Variants in RTEL1 observed in about 807,000 individuals in gnomAD.
The protein encoded by RTEL1 is regulator of telomere elongation helicase 1.
RTEL1 carries 86 observed loss-of-function variants against 162.2 expected under a neutral mutation model. That is an observed-to-expected ratio of 0.53 (90% CI 0.45 to 0.63). The LOEUF is 0.63. RTEL1 is among the 30% of genes least tolerant of loss of function. The pLI is 0.00. For missense variants in RTEL1, 1,941 were observed against 1,750.2 expected, an observed-to-expected ratio of 1.11 and a Z score of -1.95; for synonymous variants, 958 against 717.9, an observed-to-expected ratio of 1.33 and a Z score of -5.35.
chr20:63,686,187 T>A, intron 16 of RTEL1: 3 of 452,238 alleles, frequency 6.6e-6, no homozygotes, highest in African/African-American at 4.0e-5. Flanking sequence ...GCACAGAGCC[T>A]CCACAGTGAG....
In RTEL1 at chr20:63,694,448, C is replaced by A; in HGVS notation, c.3069C>A (p.Asn1023Lys). 4.3e-6 allele frequency: 7 copies of A among 1,609,296 alleles called. No homozygotes were observed. The highest frequency in any genetic ancestry group is 5.9e-6 in the Non-Finnish European group (7 of 1,177,138). Reference sequence around the variant, plus strand: ...AGCTGGACCCCCAAGAGCACCTGAACCAGGGCAGGCCCCACCTGTCGCCCA... The same window carrying A: ...AGCTGGACCCCCAAGAGCACCTGAAACAGGGCAGGCCCCACCTGTCGCCCA... The part of the protein sequence containing the change: ...AQQLDPQEHL[N>K]QGRPHLSPRP... Residue 1023 changes from asparagine (N) to lysine (K), a missense_variant, in exon 31 of 35, where the codon AAC becomes AAA. Transcript: ENST00000360203.
chr20:63,686,081 C>T (rs1442396907), intron 16 of RTEL1: 7 of 604,796 alleles, frequency 1.2e-5, no homozygotes, highest in Admixed American at 1.1e-4. Flanking sequence ...CCTGATGGCA[C>T]CGTGACCTGC....
At chr20:63,693,679 C>T (rs961474416) in intron 30 of RTEL1, among the ~76,000 whole-genome samples, 4 of 107,686 alleles carry the variant, frequency 3.7e-5, no homozygotes, top group South Asian at 3.1e-4. Flanking sequence ...ACCACCACCA[C>T]CACCACCACC....
At chr20:63,682,066 G>A in intron 14 of RTEL1, 3 of 985,454 alleles carry the variant, frequency 3.0e-6, no homozygotes, top group Non-Finnish European at 3.6e-6. Context: ...CCAGGGCCTG[G>A]AGGGCAGGTG....
intron 8 of RTEL1, among the ~76,000 whole-genome samples, chr20:63,672,219 G>A (rs994646730): frequency 1.1e-4 from 16 of 152,192 alleles, no homozygotes; most frequent in African/African-American, 3.6e-4. Context: ...GTGGGGCTGG[G>A]GCAGGGAACT....
Position 63,688,325 on chromosome 20 carries a change from A to G in RTEL1, c.1661A>G (p.Tyr554Cys), listed in dbSNP as rs1046172136. Residue 554 changes from tyrosine to cysteine, a missense_variant, in exon 20 of 35, where the codon TAT becomes TGT. By Grantham distance (194) the Tyr-to-Cys change is radical. Coordinates refer to ENST00000360203, the MANE Select transcript of RTEL1 (RefSeq NM_001283009.2). ...GGCAACATCGCCCGCGTGGTGCCCT[A>G]TGGGCTCCTGATCTTCTTCCCTTCC... ...ALGNIARVVP[Y>C]GLLIFFPSYP... 15 of 1,612,352 alleles carry G rather than the reference A, an allele frequency of 9.3e-6. No individual in the cohort carries two copies. The highest frequency in any genetic ancestry group is 4.4e-5 in the South Asian group (4 of 91,078).
chr20:63,695,297 GC>G (rs759834048), intron 33 of RTEL1, 30 bp from the exon 34 acceptor site: 36 of 1,584,148 alleles, frequency 2.3e-5, no homozygotes, highest in South Asian at 1.1e-5. Flanking sequence ...AAAGCCCCAG[GC>G]CCCCCTCAGA....
intron 2 of RTEL1, chr20:63,660,879 C>T (rs1444008562): frequency 2.1e-5 from 4 of 194,210 alleles, no homozygotes; most frequent in South Asian, 1.6e-4. Flanking sequence ...CTCTTGTACC[C>T]GGCTCACACC....
chr20:63,671,298 A>G (rs974576605), intron 8 of RTEL1, among the ~76,000 whole-genome samples: 4 of 151,764 alleles, frequency 2.6e-5, no homozygotes, highest in Non-Finnish European at 5.9e-5. Flanking sequence ...TGACCTTGTC[A>G]TCCACTCACT....
chr20:63,662,161 T>C (rs2090033125), intron 4 of RTEL1, among the ~76,000 whole-genome samples: 1 of 152,226 alleles, frequency 6.6e-6, no homozygotes, highest in Non-Finnish European at 1.5e-5. Flanking sequence ...ATCTGTGTGC[T>C]GACCTTGGGC....
At chr20:63,695,007 G>C (rs750933633) in intron 32 of RTEL1, 33 bp downstream of exon 32, 58 of 1,610,588 alleles carry the variant, frequency 3.6e-5, no homozygotes, top group Non-Finnish European at 3.5e-5. Flanking sequence ...ACAGCCGGTG[G>C]GGTGGGGGGC....
intron 27 of RTEL1, 29 bp downstream of exon 27, chr20:63,690,976 C>T (rs747488160): frequency 1.3e-6 from 2 of 1,535,852 alleles, no homozygotes; most frequent in South Asian, 1.2e-5. Context: ...GGGATGGACA[C>T]AGACCCTCTG....
chr20:63,695,004 G>C (rs765673886), intron 32 of RTEL1, 30 bp downstream of exon 32: 2 of 1,610,778 alleles, frequency 1.2e-6, no homozygotes, highest in South Asian at 2.2e-5. Context: ...GGAACAGCCG[G>C]TGGGGTGGGG....
rs753432067 is a variant in RTEL1 at position 63,666,087 on chromosome 20, C to A, written c.614+8C>A. The A allele has an allele frequency of 6.2e-7, 1 of 1,612,956 alleles. No individual in the cohort carries two copies. Among genetic ancestry groups the A allele is most frequent in the South Asian group, 1.1e-5 (1 of 91,032 alleles). ...GAGCGGAAGCAAGCACAGGTGAGAC[C>A]CCTCAGTGAGGCCACGACCACTGTC... is the stretch of plus-strand genomic sequence containing the variant. On this transcript the variant is annotated splice_region_variant and intron_variant, in intron 7 of 34. Coordinates refer to ENST00000360203, the MANE Select transcript of RTEL1 (RefSeq NM_001283009.2).
At chr20:63,693,865 C>T (rs923710012) in intron 30 of RTEL1, among the ~76,000 whole-genome samples, 8 of 149,576 alleles carry the variant, frequency 5.3e-5, no homozygotes, top group Non-Finnish European at 1.0e-4. Context: ...TGTCCAACTG[C>T]CACACGTCCC....
chr20:63,693,486 ACCACCT>A lies in RTEL1; in HGVS notation c.2992+215_2992+220del, dbSNP rs1568720241. ...CTCCACCTCCACCTCCACCTCCACC[ACCACCT>A]CCACCTCCACCACCACCTCCTCCAC... On this transcript the variant is annotated intron_variant, in intron 30 of 34. Transcript: ENST00000360203. Among the ~76,000 whole-genome samples the A allele has an allele frequency of 4.9e-3, 104 of 21,222 alleles. 4 individuals are homozygous for A. The highest frequency in any genetic ancestry group is 7.9e-3 in the Non-Finnish European group (71 of 9,004). 13.9% of individuals were successfully genotyped at this position (21,222 alleles called of 152,430 possible).
At chr20:63,688,278 G>T in intron 19 of RTEL1, 23 bp from the exon 20 acceptor site, 1 of 1,610,868 alleles carries the variant, frequency 6.2e-7, no homozygotes, top group Non-Finnish European at 8.5e-7. Context: ...CCCCTGCCTT[G>T]ACCCCGGCCC....
Position 63,695,130 on chromosome 20 carries a change from C to G in RTEL1, c.3408C>G (p.Thr1136=), listed in dbSNP as rs752386852. The change falls in exon 33 of 35, where the codon ACC becomes ACG. Residue 1136 remains threonine (T), a synonymous_variant. Transcript: ENST00000360203. ...QRFSQTCTDL[T]GRPYPGMEPP... ...TCTCACAGACGTGCACAGACCTGAC[C>G]GGCCGGCCCTACCCGGGCATGGAGC... 6.2e-7 allele frequency: 1 copy of G among 1,612,246 alleles called. No individual in the cohort carries two copies. Among genetic ancestry groups the G allele is most frequent in the East Asian group, 2.2e-5 (1 of 44,880 alleles).
intron 14 of RTEL1, chr20:63,681,658 C>T: frequency 3.0e-6 from 3 of 985,388 alleles, no homozygotes; most frequent in Non-Finnish European, 3.6e-6. Context: ...CTGCCTTCTC[C>T]TTCACAGACG....
Sources: gnomAD v4.1 joint callset for allele counts (sites outside exome capture counted in the v4.1 genomes callset) on GRCh38, gnomAD v4.1.1 for gene constraint, MANE v1.5 for transcripts, NCBI Gene and HGNC (gene_info 2026-07-23, HGNC 2026-07-21) for gene names.